Variants in PHF14 observed in about 807,000 individuals in gnomAD.
PHF14 encodes the protein PHD finger protein 14.
In PHF14, 55 loss-of-function variants were observed where a neutral mutation model predicts 117.9. The observed-to-expected ratio is 0.47, with a 90% CI of 0.38 to 0.58. PHF14 has a LOEUF of 0.58. Ranked by LOEUF, PHF14 falls within the 20% of genes least tolerant of loss-of-function variation. The pLI, the probability that PHF14 is intolerant of heterozygous loss-of-function variation, is 0.00. For synonymous variants in PHF14, 409 were observed against 368.6 expected, an observed-to-expected ratio of 1.11 and a Z score of -1.26; for missense variants, 978 against 1,122.2, an observed-to-expected ratio of 0.87 and a Z score of 1.84.
intron 4 of PHF14, among the ~76,000 whole-genome samples, chr7:10,995,371 T>C (rs1457701826): frequency 6.6e-6 from 1 of 152,012 alleles, no homozygotes; most frequent in African/African-American, 2.4e-5. Context: ...AGAGTGCTGA[T>C]TGGTGTATTT....
At chr7:11,150,076 C>T (rs142162729) in intron 17 of PHF14, among the ~76,000 whole-genome samples, 2 of 152,010 alleles carry the variant, frequency 1.3e-5, no homozygotes, top group Non-Finnish European at 2.9e-5. Flanking sequence ...TTGCAAGTCA[C>T]GGAAGATTTA....
At position 11,040,701 on chromosome 7, in the gene PHF14, AC is replaced by A; in HGVS notation, c.2109del (p.Lys704ArgfsTer105). Reference protein sequence around the residue: ...KLNIPAILRAPKERKPSKKEG... With the variant: ...KLNIPAILRAXKERKPSKKEG... ...TGAATATACCGGCAATTTTGCGAGCACCCAAGGAGAGAAAACCAAGTAAAAA... is the reference window on the plus strand; with the variant it reads ...TGAATATACCGGCAATTTTGCGAGCACCAAGGAGAGAAAACCAAGTAAAAA... On this transcript the variant is annotated frameshift_variant, in exon 12 of 18. Coordinates refer to ENST00000634607, the MANE Select transcript of PHF14 (RefSeq NM_001007157.2). LOFTEE classifies it high-confidence loss of function. The A allele has an allele frequency of 6.4e-7, 1 of 1,565,010 alleles. No homozygotes were observed. Among genetic ancestry groups the A allele is most frequent in the East Asian group, 2.3e-5 (1 of 42,602 alleles).
intron 17 of PHF14, among the ~76,000 whole-genome samples, chr7:11,117,048 T>C (rs1161082525): frequency 2.6e-5 from 4 of 151,972 alleles, no homozygotes; most frequent in Non-Finnish European, 5.9e-5. Flanking sequence ...ACACTTAAAA[T>C]GATGATAACT....
intron 2 of PHF14, among the ~76,000 whole-genome samples, chr7:10,977,562 G>C (rs1421634544): frequency 1.3e-5 from 2 of 152,060 alleles, no homozygotes; most frequent in Non-Finnish European, 2.9e-5. Context: ...CCATAAGATT[G>C]GCAAGTGATT....
intron 13 of PHF14, among the ~76,000 whole-genome samples, chr7:11,047,887 AAAG>A (rs1220815429): frequency 8.2e-6 from 1 of 122,034 alleles, no homozygotes; most frequent in Non-Finnish European, 1.7e-5. Flanking sequence ...GGAAGGGAGG[AAAG>A]AAGGGAGGGA....
chr7:11,045,137 G>C (rs1251262092), intron 13 of PHF14, among the ~76,000 whole-genome samples: 1 of 152,134 alleles, frequency 6.6e-6, no homozygotes, highest in African/African-American at 2.4e-5. Flanking sequence ...TTGTACTGTA[G>C]AAATTACTAA....
rs77444407 is a variant in PHF14, at chr7:11,089,415, G to T, written c.2655-21935G>T. Among the ~76,000 whole-genome samples the T allele has an allele frequency of 5.0e-3, 764 of 152,270 alleles. 4 individuals carry two copies. The highest frequency in any genetic ancestry group is 0.017 in the African/African-American group (720 of 41,544). ...TCTCTAAAAGGTGAAATTCAGCTGG[G>T]CATGGTGGCTCATACCTGTAATCCC... On this transcript the variant is annotated intron_variant, in intron 16 of 17. Transcript: ENST00000634607.
At chr7:11,006,751 G>A (rs1036333875) in intron 4 of PHF14, 7 of 699,456 alleles carry the variant, frequency 1.0e-5, no homozygotes, top group African/African-American at 7.0e-5. Context: ...GGTGACATGC[G>A]GATCTTCTTT....
At chr7:11,119,724 A>G (rs963755504) in intron 17 of PHF14, among the ~76,000 whole-genome samples, 3 of 151,850 alleles carry the variant, frequency 2.0e-5, no homozygotes, top group Non-Finnish European at 2.9e-5. Context: ...ATTGTTTCCA[A>G]CCTACATATT....
chr7:10,979,436 A>C (rs1054942314), intron 2 of PHF14, among the ~76,000 whole-genome samples: 1 of 137,644 alleles, frequency 7.3e-6, no homozygotes, highest in African/African-American at 2.5e-5. Flanking sequence ...TAGGATTTCA[A>C]TTTTAAAGAT....
intron 4 of PHF14, chr7:11,006,701 C>T (rs1009389477): frequency 1.4e-5 from 9 of 640,832 alleles, no homozygotes; most frequent in East Asian, 3.3e-5. Flanking sequence ...GATATCTGGG[C>T]TGCCTCCAGA....
chr7:10,986,983 T>C (rs1217657657), intron 3 of PHF14, among the ~76,000 whole-genome samples: 1 of 152,186 alleles, frequency 6.6e-6, no homozygotes, highest in Non-Finnish European at 1.5e-5. Context: ...TGAGTAGAAT[T>C]TTTTTTCCAT....
intron 16 of PHF14, among the ~76,000 whole-genome samples, chr7:11,066,119 C>T (rs1403072074): frequency 1.3e-5 from 2 of 152,158 alleles, no homozygotes; most frequent in East Asian, 1.9e-4. Context: ...TTGTTGTTCG[C>T]ACTTTTATTT....
At chr7:11,133,734 T>G (rs1788146270) in intron 17 of PHF14, among the ~76,000 whole-genome samples, 1 of 151,988 alleles carries the variant, frequency 6.6e-6, no homozygotes. Context: ...TAATTATACA[T>G]TTGGATTATC....
intron 4 of PHF14, among the ~76,000 whole-genome samples, chr7:10,994,420 C>G (rs568816814): frequency 6.6e-6 from 1 of 152,242 alleles, no homozygotes; most frequent in Admixed American, 6.5e-5. Context: ...GTCTGGGCAA[C>G]AGAGTGAGAC....
intron 14 of PHF14, among the ~76,000 whole-genome samples, chr7:11,055,372 G>T (rs1784983211): frequency 6.6e-6 from 1 of 152,032 alleles, no homozygotes; most frequent in African/African-American, 2.4e-5. Context: ...ATCTTTTGTA[G>T]AAGTGCCAAA....
chr7:10,995,695 C>G (rs377286215), intron 4 of PHF14, among the ~76,000 whole-genome samples: 1 of 152,202 alleles, frequency 6.6e-6, no homozygotes, highest in Non-Finnish European at 1.5e-5. Flanking sequence ...AGCCCTGCCC[C>G]GCAGGGAGGC....
intron 3 of PHF14, among the ~76,000 whole-genome samples, chr7:10,988,016 C>CAA (rs60714759): frequency 0.05 from 5,771 of 115,318 alleles, 185 homozygotes; most frequent in African/African-American, 0.063. Context: ...AACTCCTTCT[C>CAA]AAAAAAAAAA....
intron 4 of PHF14, among the ~76,000 whole-genome samples, chr7:10,995,296 G>T (rs1188714146): frequency 6.6e-6 from 1 of 151,774 alleles, no homozygotes; most frequent in African/African-American, 2.4e-5. Flanking sequence ...GGTTCTCCAA[G>T]TCCCCACCAG....
Sources: gnomAD v4.1 joint callset for allele counts (sites outside exome capture counted in the v4.1 genomes callset) on GRCh38, gnomAD v4.1.1 for gene constraint, MANE v1.5 for transcripts, NCBI Gene and HGNC (gene_info 2026-07-23, HGNC 2026-07-21) for gene names.